CAPN2: variants seen among roughly 807,000 people sequenced by gnomAD.
CAPN2 encodes the protein calpain-2 catalytic subunit.
CAPN2 carries 92 observed loss-of-function variants against 102.3 expected under a neutral mutation model. That is an observed-to-expected ratio of 0.90 (90% CI 0.76 to 1.07). The LOEUF is 1.07. Ranked by LOEUF, CAPN2 falls within the 50% of genes least tolerant of loss-of-function variation. The probability of loss-of-function intolerance (pLI) is 0.00; values close to 1 mark genes in which losing one functional copy is unlikely to be tolerated. For synonymous variants in CAPN2, 340 were observed against 355.4 expected (o/e 0.96, Z 0.49); for missense variants, 800 against 909.4 (o/e 0.88, Z 1.55).
rs200136592 is a variant in CAPN2 at position 223,755,472 on chromosome 1, G to C, written c.1136-8G>C. On this transcript the variant is annotated splice_polypyrimidine_tract_variant and splice_region_variant and intron_variant, in intron 9 of 20. Transcript: ENST00000295006. The surrounding 1 kb of genome is among the most constrained non-coding windows in gnomAD (Gnocchi z 4.1). ...GGGCTGGGCTCCTCTGCCCCTTTCT[G>C]GCTGCAGACACATTCTGGATGAACC... 46 of 1,613,756 alleles carry C rather than the reference G, an allele frequency of 2.9e-5. No individual in the cohort carries two copies. In the African/African-American group the frequency reaches 5.2e-4, roughly 18 times the overall value.
chr1:223,766,685 G>T (rs991119201), intron 16 of CAPN2, among the ~76,000 whole-genome samples: 2 of 152,302 alleles, frequency 1.3e-5, no homozygotes, highest in East Asian at 3.9e-4. Context: ...CATGGCGGGC[G>T]GTGGCTCATG....
chr1:223,729,161 A>G (rs1199868334), intron 2 of CAPN2, among the ~76,000 whole-genome samples: 1 of 152,164 alleles, frequency 6.6e-6, no homozygotes, highest in Non-Finnish European at 1.5e-5. Flanking sequence ...CTTGACATGC[A>G]ATTTTTCAGC....
chr1:223,739,786 G>A (rs1461701399), intron 2 of CAPN2, among the ~76,000 whole-genome samples: 4 of 152,192 alleles, frequency 2.6e-5, no homozygotes, highest in Non-Finnish European at 5.9e-5. Context: ...CATTCCAGGA[G>A]AGGCCTCCGT....
intron 16 of CAPN2, among the ~76,000 whole-genome samples, chr1:223,766,637 C>G (rs949519124): frequency 2.0e-5 from 3 of 152,188 alleles, no homozygotes; most frequent in Non-Finnish European, 4.4e-5. Context: ...TGCTACACCC[C>G]CCCTCCCACC....
In CAPN2 at chr1:223,726,523, TAG is replaced by T. The variant is rs1162642233; in HGVS notation, c.307+8699_307+8700del. ...GGCACGGCTGAGACAGGCAAGGGACTAGAGAGAGGAAGAGTGAATGTCAAGCC... is the reference window on the plus strand; with the variant it reads ...GGCACGGCTGAGACAGGCAAGGGACTAGAGAGGAAGAGTGAATGTCAAGCC... On this transcript the variant is annotated intron_variant, in intron 2 of 20. Transcript: ENST00000295006. This position sits in a 1 kb window ranked among gnomAD's most constrained non-coding sequence, Gnocchi z 4.4. 1.3e-5 allele frequency among the ~76,000 whole-genome samples: 2 copies of T among 152,078 alleles called. No homozygotes were observed. The highest frequency in any genetic ancestry group is 2.9e-5 in the Non-Finnish European group (2 of 68,014).
intron 7 of CAPN2, 84 bp downstream of exon 7, chr1:223,751,059 T>A (rs1172256978): frequency 1.1e-5 from 13 of 1,151,748 alleles, no homozygotes; most frequent in Non-Finnish European, 1.7e-5. Context: ...GAAGAAGACA[T>A]GTGCATTATT....
At chr1:223,757,460 G>T in intron 11 of CAPN2, 80 bp downstream of exon 11, 1 of 1,508,762 alleles carries the variant, frequency 6.6e-7, no homozygotes, top group African/African-American at 1.4e-5. Context: ...AGGGAGCGTC[G>T]TGAAGCCCGG....
At chr1:223,720,214 C>A (rs1056069388) in intron 2 of CAPN2, among the ~76,000 whole-genome samples, 1 of 152,064 alleles carries the variant, frequency 6.6e-6, no homozygotes, top group Non-Finnish European at 1.5e-5. Context: ...TTGTATTCAG[C>A]TATTCTAAAG....
At chr1:223,752,377 C>A (rs1036318469) in intron 8 of CAPN2, among the ~76,000 whole-genome samples, 13 of 152,186 alleles carry the variant, frequency 8.5e-5, no homozygotes. Flanking sequence ...CCTTTCTCCC[C>A]CAGGTTCCGG....
chr1:223,771,966 G>A (rs1661488118), intron 19 of CAPN2, 41 bp downstream of exon 19: 2 of 1,419,520 alleles, frequency 1.4e-6, no homozygotes, highest in Non-Finnish European at 2.0e-6. Flanking sequence ...CAGTTCTCTT[G>A]GTATTAAAGT....
chr1:223,735,127 A>G (rs1660419867), intron 2 of CAPN2, among the ~76,000 whole-genome samples: 1 of 152,196 alleles, frequency 6.6e-6, no homozygotes, highest in Non-Finnish European at 1.5e-5. Flanking sequence ...TGCCGAGGAT[A>G]CACCTCATCA....
At chr1:223,749,014 A>T in intron 5 of CAPN2, 25 bp from the exon 6 acceptor site, 1 of 1,606,520 alleles carries the variant, frequency 6.2e-7, no homozygotes, top group Non-Finnish European at 8.5e-7. Context: ...GGGTGCGGCC[A>T]GTCTGACGGT....
chr1:223,707,498 T>G (rs1394868041), intron 1 of CAPN2, among the ~76,000 whole-genome samples: 2 of 152,200 alleles, frequency 1.3e-5, no homozygotes, highest in Non-Finnish European at 2.9e-5. Flanking sequence ...GTCAGTGAGA[T>G]AGCATAGTGT....
chr1:223,712,961 G>A lies in CAPN2; in HGVS notation c.237+84G>A, dbSNP rs1440167264. Reference sequence around the variant, plus strand: ...GCCGGCCCGCGGCGCGCTGGGGCGGGGGGCAGCCCGGGTGCTGCAGTGGGG... The same window carrying A: ...GCCGGCCCGCGGCGCGCTGGGGCGGAGGGCAGCCCGGGTGCTGCAGTGGGG... On this transcript the variant is annotated intron_variant, in intron 1 of 20. Coordinates refer to ENST00000295006, the MANE Select transcript of CAPN2 (RefSeq NM_001748.5). 3 of 1,001,498 alleles carry A rather than the reference G, an allele frequency of 3.0e-6. No individual in the cohort carries two copies. In the Admixed American group the frequency reaches 1.3e-4, roughly 45 times the overall value. 62.0% of individuals were successfully genotyped at this position (1,001,498 alleles called of 1,614,324 possible). A position where few individuals can be genotyped will look rare whatever the true frequency, so the allele number is the denominator to read the frequency against.
At chr1:223,735,770 T>G (rs1380592044) in intron 2 of CAPN2, among the ~76,000 whole-genome samples, 11 of 133,474 alleles carry the variant, frequency 8.2e-5, no homozygotes, top group Non-Finnish European at 1.5e-4. Flanking sequence ...TGCCACCTAC[T>G]TGGGACGTTT....
In CAPN2 at chr1:223,725,585, A is replaced by G. The variant is rs1477045274; in HGVS notation, c.307+7754A>G. Among the ~76,000 whole-genome samples, 3 of 152,194 alleles carry G rather than the reference A, an allele frequency of 2.0e-5. No individual in the cohort carries two copies. The highest frequency in any genetic ancestry group is 4.8e-5 in the African/African-American group (2 of 41,448). On this transcript the variant is annotated intron_variant, in intron 2 of 20. Transcript: ENST00000295006. The surrounding 1 kb of genome is among the most constrained non-coding windows in gnomAD (Gnocchi z 4.1). ...CTGAGGTGGAGACACATTGTGGCAC[A>G]TCTTGAATACCCGACTGGGTCCCAG...
intron 1 of CAPN2, among the ~76,000 whole-genome samples, chr1:223,713,224 G>A (rs888567371): frequency 1.3e-5 from 2 of 152,202 alleles, no homozygotes; most frequent in African/African-American, 2.4e-5. Context: ...CTCTAGCGGG[G>A]AGCTGGAAGG....
At chr1:223,771,951 C>T (rs370491251) in intron 19 of CAPN2, 26 bp downstream of exon 19, 3 of 1,488,428 alleles carry the variant, frequency 2.0e-6, no homozygotes, top group African/African-American at 1.4e-5. Flanking sequence ...GGGAATGACT[C>T]ATTTCAGTTC....
At chr1:223,764,039 T>C in intron 14 of CAPN2, 111 bp from the exon 15 acceptor site, 2 of 809,524 alleles carry the variant, frequency 2.5e-6, no homozygotes, top group Non-Finnish European at 4.4e-6. Flanking sequence ...TTGTTAGAAA[T>C]GCACATTCAT....
Sources: gnomAD v4.1 joint callset for allele counts (sites outside exome capture counted in the v4.1 genomes callset) on GRCh38, gnomAD v4.1.1 for gene constraint, Gnocchi (gnomAD v3.1) non-coding constraint, MANE v1.5 for transcripts, NCBI Gene and HGNC (gene_info 2026-07-23, HGNC 2026-07-21) for gene names.